Variants in FHOD3 observed in about 807,000 individuals in gnomAD.
FHOD3 encodes formin homology 2 domain containing 3, also known as FH1/FH2 domain-containing protein 3.
FHOD3 carries 90 observed loss-of-function variants against 173.0 expected under a neutral mutation model. The ratio of observed to expected loss-of-function variants is 0.52; its 90% CI spans 0.44 to 0.62. The LOEUF is 0.62. Ranked by LOEUF, FHOD3 falls within the 20% of genes least tolerant of loss-of-function variation. FHOD3 has a pLI of 0.00. For synonymous variants in FHOD3, 828 were observed against 823.0 expected, an observed-to-expected ratio of 1.01 and a Z score of -0.10; for missense variants, 1,945 against 2,034.7, an observed-to-expected ratio of 0.96 and a Z score of 0.85.
chr18:36,774,540 C>G (rs1412528447), intron 28 of FHOD3, among the ~76,000 whole-genome samples: 1 of 152,132 alleles, frequency 6.6e-6, no homozygotes, highest in East Asian at 1.9e-4. Flanking sequence ...AGTGCCTGAG[C>G]CTCTCCCCAA....
intron 3 of FHOD3, among the ~76,000 whole-genome samples, chr18:36,385,175 C>T (rs1034089921): frequency 9.2e-5 from 14 of 152,160 alleles, no homozygotes; most frequent in African/African-American, 3.4e-4. Flanking sequence ...ATATGAAAAC[C>T]AAGTAACGCC....
At chr18:36,487,297 C>G (rs971466903) in intron 3 of FHOD3, among the ~76,000 whole-genome samples, 2 of 152,200 alleles carry the variant, frequency 1.3e-5, no homozygotes, top group African/African-American at 2.4e-5. Flanking sequence ...TCCAGGTTCT[C>G]CATAAGCTTA....
In FHOD3 at chr18:36,580,429, G is replaced by A. The variant is rs2058807518; in HGVS notation, c.606+3884G>A. ...AGAGTGGAGCCAAGAGTCAGCCTGT[G>A]CCTTGGAGTTCACTGTGTTGTTGGA... On this transcript the variant is annotated intron_variant, in intron 6 of 28. Coordinates refer to ENST00000590592, the MANE Select transcript of FHOD3 (RefSeq NM_001281740.3). 1.3e-5 allele frequency among the ~76,000 whole-genome samples: 2 copies of A among 152,230 alleles called. 1 individual carries two copies. Among genetic ancestry groups the A allele is most frequent in the South Asian group, 4.1e-4 (2 of 4,834 alleles).
At chr18:36,555,686 A>G (rs369286269) in intron 5 of FHOD3, among the ~76,000 whole-genome samples, 23 of 152,066 alleles carry the variant, frequency 1.5e-4, no homozygotes, top group African/African-American at 4.6e-4. Context: ...AGTTCTATCA[A>G]TTTCTGCTTC....
intron 1 of FHOD3, among the ~76,000 whole-genome samples, chr18:36,348,709 C>T (rs946258190): frequency 2.0e-5 from 3 of 152,082 alleles, no homozygotes; most frequent in Admixed American, 2.0e-4. Flanking sequence ...TGCTTTTACC[C>T]AGCAAGTGCT....
At chr18:36,391,463 A>T (rs2079718379) in intron 3 of FHOD3, among the ~76,000 whole-genome samples, 1 of 152,108 alleles carries the variant, frequency 6.6e-6, no homozygotes, top group South Asian at 2.1e-4. Flanking sequence ...GGAGGGTCCT[A>T]CAGGGGATAT....
intron 12 of FHOD3, 73 bp from the exon 13 acceptor site, chr18:36,653,269 G>A (rs2036188635): frequency 1.6e-6 from 2 of 1,213,278 alleles, no homozygotes; most frequent in South Asian, 1.4e-5. Flanking sequence ...TCTTTTTGAC[G>A]CTGAAGAATG....
rs186300626 is a variant in FHOD3, at chr18:36,639,374, G to A, written c.1197-9942G>A. Reference sequence around the variant, plus strand: ...GGCTAACAGGTGAAACCCCGTCTCTGCTAAAAATACAAAAAAGGCAGGGTG... The same window carrying A: ...GGCTAACAGGTGAAACCCCGTCTCTACTAAAAATACAAAAAAGGCAGGGTG... On this transcript the variant is annotated intron_variant, in intron 10 of 28. Coordinates refer to ENST00000590592, the MANE Select transcript of FHOD3 (RefSeq NM_001281740.3). 2.4e-4 allele frequency among the ~76,000 whole-genome samples: 37 copies of A among 152,066 alleles called. 1 individual carries two copies. In the East Asian group the frequency reaches 4.1e-3, roughly 17 times the overall value.
Position 36,652,837 on chromosome 18 carries a change from G to GC in FHOD3, c.1558dup (p.His520ProfsTer10). 6.5e-7 allele frequency: 1 copy of GC among 1,535,930 alleles called. No individual in the cohort carries two copies. The highest frequency in any genetic ancestry group is 1.7e-4 in the Middle Eastern group (1 of 5,984). ...CGACCATAGACAAGCTGCCCTACGT[G>GC]CCCCACAGCCCCTTCCACCTCTTCT... On this transcript the variant is annotated frameshift_variant, in exon 12 of 29. Transcript: ENST00000590592. LOFTEE classifies it high-confidence loss of function.
intron 3 of FHOD3, among the ~76,000 whole-genome samples, chr18:36,402,911 G>C (rs563336709): frequency 6.6e-6 from 1 of 152,226 alleles, no homozygotes; most frequent in Non-Finnish European, 1.5e-5. Flanking sequence ...AGGCGTGTTT[G>C]CCTGAGCTGA....
intron 6 of FHOD3, among the ~76,000 whole-genome samples, chr18:36,577,530 G>A (rs11872689): frequency 0.28 from 43,200 of 151,978 alleles, 6,437 homozygotes; most frequent in Admixed American, 0.36. Context: ...TGAACTCCTG[G>A]CCTCAAATGA....
chr18:36,411,984 C>T (rs2049376655), intron 3 of FHOD3, among the ~76,000 whole-genome samples: 1 of 152,244 alleles, frequency 6.6e-6, no homozygotes. Context: ...TTCCTGGTGG[C>T]CCATCTGCAG....
chr18:36,720,226 CG>C (rs887960706), intron 19 of FHOD3, among the ~76,000 whole-genome samples: 68 of 144,138 alleles, frequency 4.7e-4, no homozygotes, highest in Non-Finnish European at 2.3e-4. Context: ...CCACATGCCC[CG>C]TTCCAATTCT....
intron 1 of FHOD3, 60 bp downstream of exon 1, chr18:36,298,060 C>A: frequency 1.4e-6 from 2 of 1,383,720 alleles, no homozygotes; most frequent in South Asian, 1.6e-5. Context: ...CGGTGCGCGC[C>A]GGGGTGGGTC....
intron 8 of FHOD3, 22 bp downstream of exon 8, chr18:36,602,790 T>C (rs2031565004): frequency 6.4e-7 from 1 of 1,554,368 alleles, no homozygotes; most frequent in Non-Finnish European, 8.9e-7. Flanking sequence ...ATGTTATGGG[T>C]TGAATTGCGT....
intron 9 of FHOD3, among the ~76,000 whole-genome samples, chr18:36,622,104 A>T (rs1450449571): frequency 6.6e-6 from 1 of 152,170 alleles, no homozygotes; most frequent in Non-Finnish European, 1.5e-5. Flanking sequence ...AATACTGCAT[A>T]TTTTCACTTA....
At chr18:36,702,157 G>A (rs1265378981) in intron 17 of FHOD3, among the ~76,000 whole-genome samples, 2 of 152,142 alleles carry the variant, frequency 1.3e-5, no homozygotes, top group Non-Finnish European at 2.9e-5. Flanking sequence ...GCTCTCCTGG[G>A]GGACATTTGG....
intron 3 of FHOD3, among the ~76,000 whole-genome samples, chr18:36,453,775 G>A (rs1258556780): frequency 6.6e-6 from 1 of 152,186 alleles, no homozygotes; most frequent in African/African-American, 2.4e-5. Context: ...AGCCGGCACT[G>A]CACAGGCAGA....
intron 15 of FHOD3, 91 bp from the exon 16 acceptor site, chr18:36,687,037 G>A (rs1402427074): frequency 2.1e-6 from 2 of 950,366 alleles, no homozygotes; most frequent in Non-Finnish European, 3.2e-6. Flanking sequence ...AGTCTTTCAT[G>A]ATATACTGTT....
Sources: allele counts gnomAD v4.1 joint callset (sites outside exome capture counted in the v4.1 genomes callset), GRCh38; gene constraint gnomAD v4.1.1; transcripts MANE v1.5; gene names NCBI Gene and HGNC (gene_info 2026-07-23, HGNC 2026-07-21).